Variants in PTPN5 observed in about 807,000 individuals in gnomAD.
PTPN5 encodes the protein protein tyrosine phosphatase non-receptor type 5.
A neutral mutation model predicts 73.9 loss-of-function variants in PTPN5; 29 were observed. That is an observed-to-expected ratio of 0.39 (90% confidence interval 0.29 to 0.54). The LOEUF (loss-of-function observed/expected upper bound fraction) is 0.54, where lower values mean the gene tolerates loss of function less well. Ranked by LOEUF, PTPN5 falls within the 20% of genes least tolerant of loss-of-function variation. The pLI is 0.65. For synonymous variants in PTPN5, 267 were observed against 304.7 expected, an observed-to-expected ratio of 0.88 and a Z score of 1.29; for missense variants, 652 against 751.4, an observed-to-expected ratio of 0.87 and a Z score of 1.55.
chr11:18,791,828 C>G (rs1037577245), upstream of PTPN5: 7 of 152,032 alleles, frequency 4.6e-5, no homozygotes, highest in Admixed American at 4.6e-4. Flanking sequence ...GGGTTTGGCA[C>G]CCCCCAGCCC....
At chr11:18,739,452 A>C (rs1259343329) in intron 8 of PTPN5, among the ~76,000 whole-genome samples, 1 of 152,200 alleles carries the variant, frequency 6.6e-6, no homozygotes, top group African/African-American at 2.4e-5. Context: ...CCCAGTTTGA[A>C]GTGGACAGTC....
intron 8 of PTPN5, 78 bp downstream of exon 8, chr11:18,740,525 C>T (rs1402067576): frequency 7.7e-7 from 1 of 1,299,234 alleles, no homozygotes; most frequent in Non-Finnish European, 1.0e-6. Context: ...GTTCCAGGCA[C>T]CACGCTCCAC....
At chr11:18,746,162 A>AAAATATATATAT (rs1554916159) in intron 3 of PTPN5, among the ~76,000 whole-genome samples, 1 of 67,638 alleles carries the variant, frequency 1.5e-5, no homozygotes, top group Non-Finnish European at 3.1e-5. Context: ...TATAAATATA[A>AAAATATATATAT]ATATATATAT....
intron 3 of PTPN5, among the ~76,000 whole-genome samples, chr11:18,749,215 C>T (rs921081): frequency 7.8e-4 from 119 of 152,298 alleles, no homozygotes; most frequent in African/African-American, 2.6e-3. Context: ...TGCTTTGCCA[C>T]GCATGAAACC....
At chr11:18,737,817 G>C in intron 9 of PTPN5, 63 bp downstream of exon 9, 1 of 1,428,920 alleles carries the variant, frequency 7.0e-7, no homozygotes, top group Non-Finnish European at 9.9e-7. Flanking sequence ...TCCTCCTCAG[G>C]GTGAGGGGAT....
chr11:18,782,575 C>T (rs1219524870), intron 1 of PTPN5, among the ~76,000 whole-genome samples: 1 of 152,094 alleles, frequency 6.6e-6, no homozygotes, highest in Non-Finnish European at 1.5e-5. Flanking sequence ...TATATGATTC[C>T]ACTTATATGA....
intron 1 of PTPN5, among the ~76,000 whole-genome samples, chr11:18,786,962 G>A (rs1851701062): frequency 6.6e-6 from 1 of 152,226 alleles, no homozygotes; most frequent in Admixed American, 6.5e-5. Flanking sequence ...GAAGGAAATG[G>A]TTGAGAGTGC....
chr11:18,744,777 A>G (rs1849541686), intron 3 of PTPN5, among the ~76,000 whole-genome samples: 1 of 152,210 alleles, frequency 6.6e-6, no homozygotes, highest in East Asian at 1.9e-4. Flanking sequence ...GTGTAGCAGA[A>G]TTGATACCAG....
Position 18,729,388 on chromosome 11 carries a change from C to T in PTPN5, c.1604+65G>A, listed in dbSNP as rs952549495. Reference sequence around the variant, plus strand: ...ACCCCCCGCCCATGCACATGTGGGTCTCTCCCTCTACCCGCTCGGGGCTCT... The same window carrying T: ...ACCCCCCGCCCATGCACATGTGGGTTTCTCCCTCTACCCGCTCGGGGCTCT... On this transcript the variant is annotated intron_variant, in intron 14 of 14. Transcript: ENST00000358540. The surrounding 1 kb of genome is among the most constrained non-coding windows in gnomAD (Gnocchi z 5.2). 23 of 799,218 alleles carry T rather than the reference C, an allele frequency of 2.9e-5. No individual in the cohort carries two copies. Among genetic ancestry groups the T allele is most frequent in the Admixed American group, 2.0e-4 (11 of 53,786 alleles). The allele number at this position is 799,218 out of a possible 1,614,324, so 49.5% of individuals were successfully genotyped here.
intron 2 of PTPN5, 139 bp downstream of exon 2, chr11:18,771,800 C>T: frequency 2.8e-6 from 2 of 717,726 alleles, no homozygotes; most frequent in East Asian, 5.7e-5. Context: ...GGGCAGAGGG[C>T]ATGCTGGTTT....
At chr11:18,771,380 C>A (rs112808906) in intron 2 of PTPN5, among the ~76,000 whole-genome samples, 1 of 152,198 alleles carries the variant, frequency 6.6e-6, no homozygotes, top group Non-Finnish European at 1.5e-5. Flanking sequence ...GCGACTCAGG[C>A]GGTGCGTCTT....
At chr11:18,783,925 C>T (rs1001439157) in intron 1 of PTPN5, among the ~76,000 whole-genome samples, 2 of 152,306 alleles carry the variant, frequency 1.3e-5, no homozygotes, top group South Asian at 2.1e-4. Context: ...TCTTCAGAAA[C>T]GGAGTCAGAC....
intron 1 of PTPN5, among the ~76,000 whole-genome samples, chr11:18,778,840 C>T (rs188769034): frequency 1.1e-3 from 164 of 152,216 alleles, no homozygotes; most frequent in African/African-American, 3.4e-3. Context: ...TCTGATACAC[C>T]CCGGAACTAG....
chr11:18,754,869 G>C (rs551211722), intron 3 of PTPN5, among the ~76,000 whole-genome samples: 1 of 152,002 alleles, frequency 6.6e-6, no homozygotes, highest in Non-Finnish European at 1.5e-5. Context: ...GGATTACAAG[G>C]ATTCAACTTT....
chr11:18,774,637 A>G (rs537557576), intron 1 of PTPN5, among the ~76,000 whole-genome samples: 2 of 152,250 alleles, frequency 1.3e-5, no homozygotes, highest in Non-Finnish European at 2.9e-5. Flanking sequence ...TGCTGGGACC[A>G]AAGTAGCAGG....
intron 12 of PTPN5, among the ~76,000 whole-genome samples, chr11:18,732,110 C>T (rs1316414751): frequency 6.6e-6 from 1 of 152,214 alleles, no homozygotes; most frequent in African/African-American, 2.4e-5. Context: ...GTAACCACAG[C>T]CCCCTGTACA....
At chr11:18,753,829 G>A (rs1280841620) in intron 3 of PTPN5, among the ~76,000 whole-genome samples, 1 of 152,198 alleles carries the variant, frequency 6.6e-6, no homozygotes, top group Non-Finnish European at 1.5e-5. Context: ...GGAGTGCTGT[G>A]CAGCCCTTAG....
At chr11:18,756,455 C>G (rs559072360) in intron 3 of PTPN5, among the ~76,000 whole-genome samples, 1 of 152,020 alleles carries the variant, frequency 6.6e-6, no homozygotes, top group East Asian at 2.0e-4. Context: ...AGCCATCATG[C>G]CTGGCTAGTT....
intron 1 of PTPN5, among the ~76,000 whole-genome samples, chr11:18,774,668 T>C (rs887159842): frequency 1.3e-5 from 2 of 152,194 alleles, no homozygotes; most frequent in Non-Finnish European, 2.9e-5. Flanking sequence ...ATAGGCAGCA[T>C]TGAGAGAGAC....
Sources: allele counts gnomAD v4.1 joint callset (sites outside exome capture counted in the v4.1 genomes callset), GRCh38; gene constraint gnomAD v4.1.1; non-coding constraint Gnocchi (gnomAD v3.1); transcripts MANE v1.5; gene names NCBI Gene and HGNC (gene_info 2026-07-23, HGNC 2026-07-21).